Variants in ROBO1 observed in about 807,000 individuals in gnomAD.
The protein encoded by ROBO1 is roundabout homolog 1.
ROBO1 carries 149 observed loss-of-function variants against 195.9 expected under a neutral mutation model. The ratio of observed to expected loss-of-function variants is 0.76; its 90% confidence interval spans 0.67 to 0.87. ROBO1 has a LOEUF of 0.87. ROBO1 is among the 40% of genes least tolerant of loss of function. The probability of loss-of-function intolerance (pLI) is 0.00; values close to 1 mark genes in which losing one functional copy is unlikely to be tolerated. For missense variants in ROBO1, 1,933 were observed against 2,068.3 expected (o/e 0.93, Z 1.27); for synonymous variants, 816 against 733.2 (o/e 1.11, Z -1.82).
At chr3:79,181,854 A>G (rs2081346076) in intron 2 of ROBO1, among the ~76,000 whole-genome samples, 1 of 149,000 alleles carries the variant, frequency 6.7e-6, no homozygotes, top group African/African-American at 2.5e-5. Context: ...TGTGCCTGGG[A>G]GGTGGAGGCT....
intron 3 of ROBO1, among the ~76,000 whole-genome samples, chr3:79,124,392 A>G (rs985871344): frequency 1.3e-5 from 2 of 152,198 alleles, no homozygotes; most frequent in African/African-American, 4.8e-5. Flanking sequence ...TAGGCAAGGA[A>G]CAAAACTGGA....
intron 2 of ROBO1, among the ~76,000 whole-genome samples, chr3:79,430,433 C>T (rs2038630104): frequency 1.3e-5 from 2 of 152,064 alleles, no homozygotes; most frequent in South Asian, 4.1e-4. Context: ...ACTTTTTAAA[C>T]TTAAATTGAT....
intron 3 of ROBO1, chr3:79,018,522 C>CATG: frequency 6.2e-7 from 1 of 1,605,860 alleles, no homozygotes; most frequent in Admixed American, 1.7e-5. Context: ...AAATAGGGTC[C>CATG]CCAAATGTAT....
At chr3:79,684,885 G>A (rs1037348924) in intron 1 of ROBO1, among the ~76,000 whole-genome samples, 1 of 151,690 alleles carries the variant, frequency 6.6e-6, no homozygotes, top group African/African-American at 2.4e-5. Context: ...CGTGTTGCCC[G>A]GGCCGGTTGC....
intron 1 of ROBO1, among the ~76,000 whole-genome samples, chr3:79,644,147 A>G (rs1945748227): frequency 6.6e-6 from 1 of 152,170 alleles, no homozygotes. Context: ...TCAATTCAGT[A>G]AGAGGAAATA....
chr3:79,697,427 A>G (rs2107131123), intron 1 of ROBO1, among the ~76,000 whole-genome samples: 1 of 151,616 alleles, frequency 6.6e-6, no homozygotes, highest in African/African-American at 2.4e-5. Flanking sequence ...TAATTTTGAA[A>G]TGGTCATCAT....
At chr3:78,599,015 AT>A (rs1703008091) in intron 30 of ROBO1, 88 bp from the exon 31 acceptor site, 2 of 724,648 alleles carry the variant, frequency 2.8e-6, no homozygotes, top group Non-Finnish European at 4.4e-6. Flanking sequence ...TATTATTATA[AT>A]TTAATGTGTC....
At chr3:78,901,237 A>G (rs2107471453) in intron 4 of ROBO1, among the ~76,000 whole-genome samples, 1 of 152,334 alleles carries the variant, frequency 6.6e-6, no homozygotes, top group Non-Finnish European at 1.5e-5. Flanking sequence ...TTATTATGCC[A>G]TGACAATCAA....
intron 3 of ROBO1, among the ~76,000 whole-genome samples, chr3:78,958,433 T>A (rs1292080555): frequency 6.6e-6 from 1 of 152,200 alleles, no homozygotes; most frequent in African/African-American, 2.4e-5. Context: ...AGGCTAACAT[T>A]TCAATGGTTT....
chr3:79,217,686 T>C (rs562005679), intron 2 of ROBO1, among the ~76,000 whole-genome samples: 15 of 152,126 alleles, frequency 9.9e-5, no homozygotes, highest in African/African-American at 3.6e-4. Flanking sequence ...AACATAAGTA[T>C]ATAAAAAACA....
intron 3 of ROBO1, among the ~76,000 whole-genome samples, chr3:79,077,262 T>G: frequency 6.6e-6 from 1 of 151,946 alleles, no homozygotes; most frequent in East Asian, 1.9e-4. Context: ...ACAATATTTT[T>G]AGTGTTCTTC....
At chr3:79,481,035 A>G (rs1938824551) in intron 2 of ROBO1, among the ~76,000 whole-genome samples, 1 of 151,988 alleles carries the variant, frequency 6.6e-6, no homozygotes, top group South Asian at 2.1e-4. Context: ...ATGGCCTTTT[A>G]TTGGTAATGC....
At chr3:78,930,827 C>G (rs1385454354) in intron 4 of ROBO1, among the ~76,000 whole-genome samples, 1 of 152,192 alleles carries the variant, frequency 6.6e-6, no homozygotes, top group African/African-American at 2.4e-5. Context: ...AACTCATTCT[C>G]TACACATGTA....
intron 4 of ROBO1, among the ~76,000 whole-genome samples, chr3:78,830,793 A>C (rs1250567705): frequency 6.6e-6 from 1 of 152,224 alleles, no homozygotes; most frequent in Non-Finnish European, 1.5e-5. Flanking sequence ...CCAGCATATA[A>C]ATCTAGAAAT....
chr3:78,942,544 G>A (rs528553833), intron 3 of ROBO1, among the ~76,000 whole-genome samples: 139 of 152,204 alleles, frequency 9.1e-4, no homozygotes, highest in Non-Finnish European at 1.8e-3. Context: ...ATAAGAGAGT[G>A]AAATTTGGTA....
Position 79,708,931 on chromosome 3 carries a change from T to A in ROBO1, c.-51+58821A>T, listed in dbSNP as rs536870144. Among the ~76,000 whole-genome samples the A allele has an allele frequency of 2.6e-5, 4 of 152,120 alleles. No individual in the cohort carries two copies. The South Asian group carries it at 8.3e-4, about 31-fold the overall frequency. ...GAATAAACATTTAAACTCATGGGGTTTTTTGTATTTTTTTTTCTTTATACC... is the reference window on the plus strand; with the variant it reads ...GAATAAACATTTAAACTCATGGGGTATTTTGTATTTTTTTTTCTTTATACC... On this transcript the variant is annotated intron_variant, in intron 1 of 30. Coordinates refer to ENST00000464233, the MANE Select transcript of ROBO1 (RefSeq NM_002941.4).
At chr3:78,755,417 T>C (rs1354345554) in intron 4 of ROBO1, among the ~76,000 whole-genome samples, 1 of 152,098 alleles carries the variant, frequency 6.6e-6, no homozygotes, top group Non-Finnish European at 1.5e-5. Flanking sequence ...GAGGCCACTT[T>C]GAGACATGAT....
Position 78,721,098 on chromosome 3 carries a change from T to TA in ROBO1, c.658-3216dup, listed in dbSNP as rs552047332. 6.4e-3 allele frequency among the ~76,000 whole-genome samples: 956 copies of TA among 148,430 alleles called. 4 individuals are homozygous for TA. Among genetic ancestry groups the TA allele is most frequent in the Non-Finnish European group, 6.9e-3 (463 of 66,776 alleles). ...TGCACCCTAAAACTTAAAGTATAAT[T>TA]AAAAAAAAAAGATATGTGTCTTTGG... On this transcript the variant is annotated intron_variant, in intron 5 of 30. Coordinates refer to ENST00000464233, the MANE Select transcript of ROBO1 (RefSeq NM_002941.4).
Position 78,639,762 on chromosome 3 carries a change from T to C in ROBO1, c.3019A>G (p.Thr1007Ala). 1 of 1,613,278 alleles carries C rather than the reference T, an allele frequency of 6.2e-7. No homozygotes were observed. The highest frequency in any genetic ancestry group is 8.5e-7 in the Non-Finnish European group (1 of 1,179,370). ...CCCTAACCTGGGCGACTGTAGGTAG[T>C]GAGGTTGCTGTCGCTGTTTCCATTG... Reference protein sequence around the residue: ...AGNGNSDSNLTTYSRPADCIA... With the variant: ...AGNGNSDSNLATYSRPADCIA... The change falls in exon 22 of 31, where the codon ACT becomes GCT. Residue 1007 changes from threonine to alanine, a missense_variant. Thr to Ala is a moderately conservative substitution (Grantham distance 58, BLOSUM62 0). Around this residue, in one of 3 missense-constraint regions of ROBO1, gnomAD observed 1,737 missense variants for 1,882.5 expected, o/e 0.92. Coordinates refer to ENST00000464233, the MANE Select transcript of ROBO1 (RefSeq NM_002941.4).
Sources: gnomAD v4.1 joint callset for allele counts (sites outside exome capture counted in the v4.1 genomes callset) on GRCh38, gnomAD v4.1.1 for gene constraint, gnomAD v4.1.1 regional missense constraint, MANE v1.5 for transcripts, NCBI Gene and HGNC (gene_info 2026-07-23, HGNC 2026-07-21) for gene names.